Variants in SPMIP4 observed in about 807,000 individuals in gnomAD.
SPMIP4 encodes the protein sperm-associated microtubule inner protein 4.
chr7:25,176,082 A>T, the SPMIP4 span, among the ~76,000 whole-genome samples: 1 of 152,162 alleles, frequency 6.6e-6, no homozygotes, highest in Admixed American at 6.5e-5. The surrounding 1 kb of genome is among the most constrained non-coding windows in gnomAD (Gnocchi z 4.4). Context: ...TTCAAATAAT[A>T]CCTTTTTGTA....
At chr7:25,136,100 A>G in the SPMIP4 span, 1 of 1,614,090 alleles carries the variant, frequency 6.2e-7, no homozygotes, top group Non-Finnish European at 8.5e-7. The surrounding 1 kb of genome is among the most constrained non-coding windows in gnomAD (Gnocchi z 5.7). Context: ...CCAGTTTTTG[A>G]AAAAGAGTTC....
At chr7:25,131,763 G>C in the SPMIP4 span, among the ~76,000 whole-genome samples, 1 of 152,198 alleles carries the variant, frequency 6.6e-6, no homozygotes, top group Non-Finnish European at 1.5e-5. This position sits in a 1 kb window ranked among gnomAD's most constrained non-coding sequence, Gnocchi z 4.2. Context: ...ATGGGTCACG[G>C]AAGAGAACCA....
chr7:25,166,034 T>C, the SPMIP4 span, among the ~76,000 whole-genome samples: 2 of 151,936 alleles, frequency 1.3e-5, no homozygotes, highest in Non-Finnish European at 1.5e-5. Flanking sequence ...CCTGAGAACA[T>C]GAGCTTCATG....
the SPMIP4 span, chr7:25,125,840 G>C: frequency 1.2e-6 from 1 of 866,226 alleles, no homozygotes; most frequent in South Asian, 5.3e-5. Flanking sequence ...ACACGAGTTG[G>C]GCACCAGCTC....
the SPMIP4 span, chr7:25,142,889 G>T: frequency 8.7e-7 from 1 of 1,147,572 alleles, no homozygotes; most frequent in Non-Finnish European, 1.2e-6. Flanking sequence ...ATCTCAGCAG[G>T]AAAGAGGCAA....
At chr7:25,128,429 C>T in the SPMIP4 span, among the ~76,000 whole-genome samples, 7 of 152,214 alleles carry the variant, frequency 4.6e-5, no homozygotes, top group Admixed American at 3.9e-4. This position sits in a 1 kb window ranked among gnomAD's most constrained non-coding sequence, Gnocchi z 4.5. Flanking sequence ...GTTATTCTCA[C>T]TCTTCCCTCC....
At chr7:25,137,207 T>C in the SPMIP4 span, among the ~76,000 whole-genome samples, 1 of 149,410 alleles carries the variant, frequency 6.7e-6, no homozygotes, top group African/African-American at 2.5e-5. Context: ...TGAGTCAGAA[T>C]CATCTGCAGA....
chr7:25,158,009 T>C, the SPMIP4 span, among the ~76,000 whole-genome samples: 3 of 152,192 alleles, frequency 2.0e-5, no homozygotes, highest in Non-Finnish European at 2.9e-5. Context: ...TCAGGGGATA[T>C]AACAGGAGAG....
chr7:25,134,346 AAAAAAAC>A, the SPMIP4 span, among the ~76,000 whole-genome samples: 1 of 150,406 alleles, frequency 6.6e-6, no homozygotes, highest in African/African-American at 2.4e-5. Context: ...AAAAAAAAAA[AAAAAAAC>A]CAAAAAAACA....
the SPMIP4 span, among the ~76,000 whole-genome samples, chr7:25,169,234 A>G: frequency 6.6e-6 from 1 of 151,982 alleles, no homozygotes. Flanking sequence ...TATTTTATAA[A>G]TTTATAATTA....
the SPMIP4 span, among the ~76,000 whole-genome samples, chr7:25,178,198 C>T: frequency 1.3e-5 from 2 of 152,176 alleles, no homozygotes; most frequent in African/African-American, 4.8e-5. Context: ...TTTCTTTATC[C>T]AGTCAACCAC....
chr7:25,177,239 T>C, the SPMIP4 span, among the ~76,000 whole-genome samples: 2 of 149,812 alleles, frequency 1.3e-5, no homozygotes, highest in Non-Finnish European at 2.9e-5. Flanking sequence ...TCTTAAATGA[T>C]TGGGAGGCTG....
chr7:25,155,228 G>T, the SPMIP4 span: 2 of 1,483,274 alleles, frequency 1.3e-6, no homozygotes, highest in Non-Finnish European at 1.8e-6. Flanking sequence ...AAAATGAAAA[G>T]AACAGAAAGA....
At chr7:25,179,588 C>T in the SPMIP4 span, 1 of 296,300 alleles carries the variant, frequency 3.4e-6, no homozygotes, top group Non-Finnish European at 6.2e-6. Context: ...TCGTACCAGT[C>T]CGCTACTTTG....
chr7:25,149,762 T>C, the SPMIP4 span, among the ~76,000 whole-genome samples: 1 of 152,240 alleles, frequency 6.6e-6, no homozygotes, highest in Non-Finnish European at 1.5e-5. Context: ...AATTATAGTA[T>C]TTTCTAGTTT....
the SPMIP4 span, among the ~76,000 whole-genome samples, chr7:25,147,782 G>A: frequency 2.0e-5 from 3 of 152,104 alleles, no homozygotes; most frequent in East Asian, 1.9e-4. Context: ...ATGAACTTAC[G>A]ATGTACCAAT....
the SPMIP4 span, among the ~76,000 whole-genome samples, chr7:25,158,032 T>C: frequency 1.3e-5 from 2 of 152,140 alleles, no homozygotes; most frequent in Middle Eastern, 3.2e-3. Context: ...ATCAAAGTAA[T>C]GTTACCCTGG....
the SPMIP4 span, chr7:25,142,596 C>A: frequency 1.0e-4 from 154 of 1,504,608 alleles, no homozygotes; most frequent in Non-Finnish European, 1.4e-4. Context: ...GTTAAATATT[C>A]CAATTTTGTT....
chr7:25,153,107 A>G, the SPMIP4 span, among the ~76,000 whole-genome samples: 2 of 152,158 alleles, frequency 1.3e-5, no homozygotes, highest in African/African-American at 4.8e-5. Flanking sequence ...CTAATGCTGT[A>G]CTAGTTCCTG....
Sources: allele counts gnomAD v4.1 joint callset (sites outside exome capture counted in the v4.1 genomes callset), GRCh38; gene constraint gnomAD v4.1.1; non-coding constraint Gnocchi (gnomAD v3.1); transcripts MANE v1.5; gene names NCBI Gene and HGNC (gene_info 2026-07-23, HGNC 2026-07-21).